The following HEMK2 variants were observed in gnomAD, a reference collection of about 807,000 sequenced individuals.
HEMK2 encodes the protein methyltransferase HEMK2.
At chr21:28,809,102 C>A in the HEMK2 span, among the ~76,000 whole-genome samples, 1 of 152,062 alleles carries the variant, frequency 6.6e-6, no homozygotes, top group South Asian at 2.1e-4. Context: ...ACATATTCAT[C>A]ATAATTTCAA....
chr21:28,635,933 A>T, the HEMK2 span, among the ~76,000 whole-genome samples: 1 of 152,168 alleles, frequency 6.6e-6, no homozygotes, highest in East Asian at 1.9e-4. Context: ...ATTTTAATTA[A>T]TTTAAATTTA....
At chr21:28,823,992 G>A in the HEMK2 span, among the ~76,000 whole-genome samples, 1 of 152,180 alleles carries the variant, frequency 6.6e-6, no homozygotes, top group African/African-American at 2.4e-5. Flanking sequence ...TTGATTGGAG[G>A]AGGGGGCTAA....
chr21:28,750,700 CAAA>C, the HEMK2 span, among the ~76,000 whole-genome samples: 3 of 80,350 alleles, frequency 3.7e-5, no homozygotes, highest in East Asian at 3.2e-4. Flanking sequence ...GGCTCCATCT[CAAA>C]AAAAAAAAAA....
At chr21:28,716,098 G>A in the HEMK2 span, among the ~76,000 whole-genome samples, 1 of 149,592 alleles carries the variant, frequency 6.7e-6, no homozygotes, top group Admixed American at 6.7e-5. Flanking sequence ...TTATTCGTTT[G>A]CTTAGGATTT....
At chr21:28,757,319 A>G in the HEMK2 span, among the ~76,000 whole-genome samples, 2 of 152,354 alleles carry the variant, frequency 1.3e-5, no homozygotes, top group African/African-American at 2.4e-5. Context: ...ATTTCATACC[A>G]TGGGAGCAGA....
At chr21:28,876,432 G>A in the HEMK2 span, 2 of 1,612,288 alleles carry the variant, frequency 1.2e-6, no homozygotes, top group Non-Finnish European at 8.5e-7. Flanking sequence ...TGGCCTGCTT[G>A]TCTGGAAAGT....
At chr21:28,744,051 GA>G in the HEMK2 span, among the ~76,000 whole-genome samples, 33 of 151,946 alleles carry the variant, frequency 2.2e-4, no homozygotes, top group Non-Finnish European at 5.9e-5. Context: ...TTCATGGACA[GA>G]AAGAGGGAAA....
chr21:28,740,992 T>G, the HEMK2 span, among the ~76,000 whole-genome samples: 2 of 152,230 alleles, frequency 1.3e-5, no homozygotes, highest in Non-Finnish European at 2.9e-5. Context: ...ATACAATTAC[T>G]ACTATAATTT....
chr21:28,865,251 C>T, the HEMK2 span, among the ~76,000 whole-genome samples: 5 of 152,150 alleles, frequency 3.3e-5, no homozygotes, highest in Admixed American at 1.3e-4. Flanking sequence ...CTGCAACCTC[C>T]GCCTCCTGGG....
chr21:28,882,059 C>T, the HEMK2 span: 1 of 802,526 alleles, frequency 1.2e-6, no homozygotes, highest in South Asian at 1.8e-5. Flanking sequence ...TGGTATACTG[C>T]TTAGTGGGTC....
chr21:28,632,216 T>A, the HEMK2 span, among the ~76,000 whole-genome samples: 1 of 152,252 alleles, frequency 6.6e-6, no homozygotes, highest in Non-Finnish European at 1.5e-5. Flanking sequence ...TGTGAAATAT[T>A]ACCCTATATC....
At chr21:28,797,270 G>A in the HEMK2 span, among the ~76,000 whole-genome samples, 1 of 152,108 alleles carries the variant, frequency 6.6e-6, no homozygotes, top group Non-Finnish European at 1.5e-5. Context: ...AGTGAACCCA[G>A]TGAGGAAAAA....
the HEMK2 span, among the ~76,000 whole-genome samples, chr21:28,717,724 C>T: frequency 1.3e-5 from 2 of 152,032 alleles, no homozygotes; most frequent in Non-Finnish European, 2.9e-5. Context: ...AGGTGATCTG[C>T]CCATCTCGGC....
At chr21:28,877,859 T>C in the HEMK2 span, among the ~76,000 whole-genome samples, 7 of 152,126 alleles carry the variant, frequency 4.6e-5, no homozygotes, top group Non-Finnish European at 1.0e-4. Flanking sequence ...TACAGCACAA[T>C]TGTCAAGGGC....
the HEMK2 span, among the ~76,000 whole-genome samples, chr21:28,603,594 T>TGTGTGTGTGTGTGTGTGTG: frequency 1.4e-5 from 2 of 143,532 alleles, no homozygotes; most frequent in Admixed American, 6.9e-5. Context: ...TGTGTGTGTG[T>TGTGTGTGTGTGTGTGTGTG]TTTAGGTTGC....
At chr21:28,662,005 T>C in the HEMK2 span, among the ~76,000 whole-genome samples, 1 of 152,122 alleles carries the variant, frequency 6.6e-6, no homozygotes, top group South Asian at 2.1e-4. Flanking sequence ...TAACTAAGTA[T>C]ACATTTTGTT....
At chr21:28,728,088 T>C in the HEMK2 span, among the ~76,000 whole-genome samples, 3 of 152,196 alleles carry the variant, frequency 2.0e-5, no homozygotes, top group African/African-American at 7.2e-5. Context: ...CCTCCAGAAC[T>C]AGAAAATAAT....
chr21:28,663,968 C>T, the HEMK2 span, among the ~76,000 whole-genome samples: 3 of 152,278 alleles, frequency 2.0e-5, no homozygotes, highest in South Asian at 6.2e-4. Context: ...GATGTATATA[C>T]ATACATACGC....
the HEMK2 span, among the ~76,000 whole-genome samples, chr21:28,748,417 T>C: frequency 6.6e-6 from 1 of 152,272 alleles, no homozygotes; most frequent in African/African-American, 2.4e-5. Context: ...AAAAGTATCA[T>C]ACTGCTTTTA....
Sources: gnomAD v4.1 joint callset for allele counts (sites outside exome capture counted in the v4.1 genomes callset) on GRCh38, gnomAD v4.1.1 for gene constraint, MANE v1.5 for transcripts, NCBI Gene and HGNC (gene_info 2026-07-23, HGNC 2026-07-21) for gene names.